FRY: variants seen among roughly 807,000 people sequenced by gnomAD.
FRY encodes the protein protein furry homolog.
FRY carries 128 observed loss-of-function variants against 348.4 expected under a neutral mutation model. The observed-to-expected ratio is 0.37, with a 90% CI of 0.32 to 0.43. The LOEUF (loss-of-function observed/expected upper bound fraction) is 0.43, where lower values mean the gene tolerates loss of function less well. Among genes scored for constraint, FRY ranks in the 20% least tolerant of loss-of-function variants. The probability of loss-of-function intolerance (pLI) is 1.00; values close to 1 mark genes in which losing one functional copy is unlikely to be tolerated. For missense variants in FRY, 2,736 were observed against 3,695.2 expected, an observed-to-expected ratio of 0.74 and a Z score of 6.73; for synonymous variants, 1,370 against 1,374.7, an observed-to-expected ratio of 1.00 and a Z score of 0.08.
At chr13:32,257,613 T>C (rs1238598414) in intron 51 of FRY, among the ~76,000 whole-genome samples, 1 of 150,686 alleles carries the variant, frequency 6.6e-6, no homozygotes, top group South Asian at 2.1e-4. Flanking sequence ...CCATAACATT[T>C]AACAGTTTTC....
At chr13:32,192,905 A>T (rs932717761) in intron 28 of FRY, among the ~76,000 whole-genome samples, 1 of 151,722 alleles carries the variant, frequency 6.6e-6, no homozygotes, top group African/African-American at 2.4e-5. Flanking sequence ...CACCATGTCC[A>T]GCTAATTTTG....
At chr13:32,116,224 T>C (rs1190949142) in intron 3 of FRY, among the ~76,000 whole-genome samples, 1 of 152,184 alleles carries the variant, frequency 6.6e-6, no homozygotes, top group African/African-American at 2.4e-5. Context: ...AGAGATGTTA[T>C]GCCTGTTTTT....
At chr13:32,291,707 T>C (rs1056860492) in intron 59 of FRY, among the ~76,000 whole-genome samples, 3 of 152,162 alleles carry the variant, frequency 2.0e-5, no homozygotes, top group Admixed American at 6.5e-5. Flanking sequence ...GGATTCACCA[T>C]TCTTGATGCC....
chr13:32,252,127 C>T (rs1279190971), intron 50 of FRY, among the ~76,000 whole-genome samples, 175 bp downstream of exon 50: 4 of 152,184 alleles, frequency 2.6e-5, no homozygotes, highest in African/African-American at 4.8e-5. Flanking sequence ...TTTAATCACA[C>T]TGAGTTCAGA....
At chr13:32,142,947 G>T (rs1334964193) in intron 11 of FRY, among the ~76,000 whole-genome samples, 1 of 152,168 alleles carries the variant, frequency 6.6e-6, no homozygotes, top group Non-Finnish European at 1.5e-5. Flanking sequence ...CCAGAGGATT[G>T]GGACAGGAGT....
intron 31 of FRY, among the ~76,000 whole-genome samples, chr13:32,203,181 T>C (rs1884143486): frequency 6.6e-6 from 1 of 152,234 alleles, no homozygotes; most frequent in African/African-American, 2.4e-5. Context: ...AAGAAACTAA[T>C]ATCCCACAAA....
chr13:32,249,761 G>A lies in FRY; in HGVS notation c.7170+74G>A. ...TGAGTCCATGTGGCTGGGTCATAAG[G>A]GATTCCCTCTCACCATCCCAAGGTT... On this transcript the variant is annotated intron_variant, in intron 49 of 60. Transcript: ENST00000542859. The A allele has an allele frequency of 2.2e-6, 3 of 1,360,192 alleles. No homozygotes were observed. The East Asian group carries it at 7.2e-5, about 33-fold the overall frequency. The allele number at this position is 1,360,192 out of a possible 1,614,324, so 84.3% of individuals were successfully genotyped here. A position where few individuals can be genotyped will look rare whatever the true frequency, so the allele number is the denominator to read the frequency against.
chr13:32,217,653 C>T (rs1339648315), intron 35 of FRY, among the ~76,000 whole-genome samples: 1 of 152,172 alleles, frequency 6.6e-6, no homozygotes, highest in Non-Finnish European at 1.5e-5. Flanking sequence ...AGGGAGTTGG[C>T]ATGGCACTGA....
At chr13:32,084,895 C>T (rs1056094738) in intron 2 of FRY, among the ~76,000 whole-genome samples, 2 of 151,816 alleles carry the variant, frequency 1.3e-5, no homozygotes, top group Admixed American at 6.6e-5. Context: ...TGCAAACACA[C>T]ACACACACAC....
Position 32,145,541 on chromosome 13 carries a change from T to G in FRY, c.1180-1741T>G, listed in dbSNP as rs867812789. On this transcript the variant is annotated intron_variant, in intron 11 of 60. Transcript: ENST00000542859. ...TGACTGATTTGTTTTTTTTTTTTTT[T>G]TTTTTTTTTTTTTTGAGACGGAGTC... is the stretch of plus-strand genomic sequence containing the variant. Among the ~76,000 whole-genome samples the G allele has an allele frequency of 7.4e-3, 853 of 115,154 alleles. 6 individuals carry two copies. The highest frequency in any genetic ancestry group is 0.016 in the African/African-American group (400 of 25,446). The allele number at this position is 115,154 out of a possible 152,430, so 75.5% of individuals were successfully genotyped here. A position where few individuals can be genotyped will look rare whatever the true frequency, so the allele number is the denominator to read the frequency against.
rs539469176 is a variant in FRY, at chr13:32,042,226, G to A, written c.70+10361G>A. Among the ~76,000 whole-genome samples the A allele has an allele frequency of 5.3e-5, 8 of 152,182 alleles. No individual in the cohort carries two copies. The South Asian group carries it at 1.5e-3, about 28-fold the overall frequency. On this transcript the variant is annotated intron_variant, in intron 1 of 60. Coordinates refer to ENST00000542859, the MANE Select transcript of FRY (RefSeq NM_023037.3). ...GGGAAGAAAGGAAAAGAATCAGAGG[G>A]AGAAGAGAGAAAAAAATACAAACTG...
At chr13:32,211,127 T>C (rs1884660284) in intron 34 of FRY, 93 bp downstream of exon 34, 1 of 1,183,540 alleles carries the variant, frequency 8.4e-7, no homozygotes, top group Admixed American at 1.8e-5. Context: ...TGTTTGTTAC[T>C]TTTTTCTTAT....
chr13:32,109,229 A>G (rs1471243213), intron 3 of FRY, among the ~76,000 whole-genome samples: 2 of 152,218 alleles, frequency 1.3e-5, no homozygotes, highest in Non-Finnish European at 2.9e-5. Context: ...AGCGATTTCC[A>G]TTCAATTAAA....
chr13:32,125,384 G>T (rs1432513473), intron 7 of FRY, among the ~76,000 whole-genome samples: 1 of 152,156 alleles, frequency 6.6e-6, no homozygotes, highest in Non-Finnish European at 1.5e-5. Flanking sequence ...TACTTAGCAG[G>T]CAAGAACAAA....
chr13:32,254,392 G>C lies in FRY; in HGVS notation c.7414G>C (p.Glu2472Gln). ...DFLDVELEDG[E>Q]GESMDNFNWG... is the part of the protein sequence containing the mutation. ...CCTAGATGTGGAGCTGGAGGATGGA[G>C]AGGTACGGTGTATTCTCTGTAAAAA... is the stretch of plus-strand genomic sequence containing the variant. The change falls in exon 51 of 61, where the codon GAG becomes CAG. Residue 2472 changes from glutamate (E) to glutamine (Q), a missense_variant and splice_region_variant. Physicochemically the swap from Glu to Gln is conservative, Grantham distance 29. This residue lies in a region of FRY where 789 missense variants were observed against 996.2 expected (regional missense o/e 0.79). Transcript: ENST00000542859. 6.2e-7 allele frequency: 1 copy of C among 1,613,490 alleles called. No individual in the cohort carries two copies.
At chr13:32,251,476 G>A (rs1389005471) in intron 49 of FRY, among the ~76,000 whole-genome samples, 3 of 152,110 alleles carry the variant, frequency 2.0e-5, no homozygotes, top group African/African-American at 7.2e-5. Flanking sequence ...ATCAAAGGAA[G>A]TGATAGATCT....
At chr13:32,222,854 G>A (rs1885385797) in intron 36 of FRY, among the ~76,000 whole-genome samples, 1 of 152,178 alleles carries the variant, frequency 6.6e-6, no homozygotes, top group Non-Finnish European at 1.5e-5. Context: ...TATTATTGTT[G>A]TTATCGTCAT....
chr13:32,185,121 G>T lies in FRY; in HGVS notation c.3292G>T (p.Val1098Leu). The T allele has an allele frequency of 6.2e-7, 1 of 1,614,084 alleles. No individual in the cohort carries two copies. Among genetic ancestry groups the T allele is most frequent in the Non-Finnish European group, 8.5e-7 (1 of 1,179,942 alleles). Residue 1098 changes from valine to leucine, a missense_variant, in exon 26 of 61, where the codon GTG becomes TTG. Physicochemically the swap from Val to Leu is conservative, Grantham distance 32 (BLOSUM62 1). Around this residue, in one of 9 missense-constraint regions of FRY, gnomAD observed 449 missense variants for 576.9 expected, o/e 0.78. Coordinates refer to ENST00000542859, the MANE Select transcript of FRY (RefSeq NM_023037.3). ...TATCCGGGCACATTTTAGTGCAATG[G>T]TGGCCAACTTGATTCAGTGTGTTCC... ...KDIRAHFSAM[V>L]ANLIQCVPVH...
intron 3 of FRY, among the ~76,000 whole-genome samples, chr13:32,111,972 T>C (rs1190667133): frequency 6.6e-6 from 1 of 152,226 alleles, no homozygotes. Flanking sequence ...CAGTGACCTC[T>C]AATGCAAGCA....
Sources: gnomAD v4.1 joint callset for allele counts (sites outside exome capture counted in the v4.1 genomes callset) on GRCh38, gnomAD v4.1.1 for gene constraint, gnomAD v4.1.1 regional missense constraint, MANE v1.5 for transcripts, NCBI Gene and HGNC (gene_info 2026-07-23, HGNC 2026-07-21) for gene names.